Variants in HECA observed in about 807,000 individuals in gnomAD.
The protein encoded by HECA is HECA ribonucleoprotein granule regulator.
In HECA, 13 loss-of-function variants were observed where a neutral mutation model predicts 37.6. The observed-to-expected ratio is 0.35, with a 90% CI of 0.23 to 0.55. The LOEUF is 0.55. Ranked by LOEUF, HECA falls within the 20% of genes least tolerant of loss-of-function variation. The pLI, the probability that HECA is intolerant of heterozygous loss-of-function variation, is 0.90. For synonymous variants in HECA, 307 were observed against 291.5 expected (o/e 1.05, Z -0.54); for missense variants, 527 against 701.9 (o/e 0.75, Z 2.82).
chr6:139,160,240 GTTTATATACTT>G (rs1224846337), intron 1 of HECA, among the ~76,000 whole-genome samples: 4 of 152,150 alleles, frequency 2.6e-5, no homozygotes, highest in African/African-American at 9.7e-5. Flanking sequence ...GCCTTGGAAG[GTTTATATACTT>G]TTTTAAACAA....
chr6:139,172,539 T>G (rs1774988980), intron 2 of HECA, among the ~76,000 whole-genome samples: 1 of 152,250 alleles, frequency 6.6e-6, no homozygotes, highest in African/African-American at 2.4e-5. Context: ...TTATTGGGCT[T>G]CTTTACCACT....
chr6:139,158,049 C>T (rs1043776357), intron 1 of HECA, among the ~76,000 whole-genome samples: 3 of 152,168 alleles, frequency 2.0e-5, no homozygotes, highest in African/African-American at 4.8e-5. Context: ...CATTTGTTAA[C>T]AATTGCTTAT....
In HECA at chr6:139,167,389, A is replaced by G. The variant is rs994543335; in HGVS notation, c.1312+65A>G. 4 of 1,305,890 alleles carry G rather than the reference A, an allele frequency of 3.1e-6. 1 individual carries two copies. The highest frequency in any genetic ancestry group is 4.3e-6 in the Non-Finnish European group (4 of 940,084). The allele number at this position is 1,305,890 out of a possible 1,614,324, so 80.9% of individuals were successfully genotyped here. ...AAAAACCAAACAACAAACAAGACAGATTGCTCTATTTTGGTGTAGTTTTCA... is the reference window on the plus strand; with the variant it reads ...AAAAACCAAACAACAAACAAGACAGGTTGCTCTATTTTGGTGTAGTTTTCA... On this transcript the variant is annotated intron_variant, in intron 2 of 3. Transcript: ENST00000367658.
chr6:139,180,161 A>C lies in HECA; in HGVS notation c.*3056A>C, dbSNP rs1775114666. 1 of 152,218 alleles carries C rather than the reference A, an allele frequency of 6.6e-6. No homozygotes were observed. The highest frequency in any genetic ancestry group is 2.1e-4 in the South Asian group (1 of 4,834). 9.4% of individuals were successfully genotyped at this position (152,218 alleles called of 1,614,324 possible). ...GAGGAGCTTTCCTTAAATGCCCTTTAACTTCTAGGTTTTGTTCAAGAAGTT... is the reference window on the plus strand; with the variant it reads ...GAGGAGCTTTCCTTAAATGCCCTTTCACTTCTAGGTTTTGTTCAAGAAGTT... On this transcript the variant is annotated 3_prime_UTR_variant, in exon 4 of 4. Transcript: ENST00000367658.
intron 1 of HECA, among the ~76,000 whole-genome samples, chr6:139,148,165 C>T (rs150665110): frequency 1.2e-3 from 186 of 152,182 alleles, no homozygotes; most frequent in African/African-American, 4.0e-3. Context: ...AAAGTGTTTG[C>T]GTATTCAGGG....
intron 2 of HECA, among the ~76,000 whole-genome samples, chr6:139,171,339 C>T (rs1056759581): frequency 5.3e-5 from 8 of 152,130 alleles, no homozygotes; most frequent in East Asian, 3.9e-4. Flanking sequence ...CTTGTGTGTG[C>T]GTATATATAC....
intron 1 of HECA, among the ~76,000 whole-genome samples, chr6:139,137,192 T>G (rs1402299500): frequency 6.6e-6 from 1 of 152,172 alleles, no homozygotes; most frequent in South Asian, 2.1e-4. Context: ...CATTTTGGTA[T>G]TGATGTGGCA....
intron 1 of HECA, among the ~76,000 whole-genome samples, chr6:139,140,431 A>G (rs943315978): frequency 6.6e-6 from 1 of 152,214 alleles, no homozygotes; most frequent in Non-Finnish European, 1.5e-5. Context: ...TGCCTCATGC[A>G]TCAAAGATTC....
At position 139,172,008 on chromosome 6, in the gene HECA, T is replaced by C. The variant is rs558867676; in HGVS notation, c.1313-2377T>C. Among the ~76,000 whole-genome samples, 4 of 152,216 alleles carry C rather than the reference T, an allele frequency of 2.6e-5. No homozygotes were observed. The South Asian group carries it at 8.3e-4, about 32-fold the overall frequency. On this transcript the variant is annotated intron_variant, in intron 2 of 3. Coordinates refer to ENST00000367658, the MANE Select transcript of HECA (RefSeq NM_016217.3). ...CCACGCCTAGCTAATTTTTTTATAT[T>C]TTAGTAGAGATGGGGTTTCACCATG...
intron 2 of HECA, among the ~76,000 whole-genome samples, chr6:139,167,929 C>G (rs1774915582): frequency 6.6e-6 from 1 of 152,126 alleles, no homozygotes; most frequent in South Asian, 2.1e-4. Context: ...AATTGAATGA[C>G]ACGAGGTTGG....
chr6:139,145,012 C>T (rs896396370), intron 1 of HECA, among the ~76,000 whole-genome samples: 1 of 152,120 alleles, frequency 6.6e-6, no homozygotes, highest in Admixed American at 6.6e-5. Context: ...GGGGCTTGTC[C>T]CTATGGTTTA....
chr6:139,149,526 T>G (rs1774626796), intron 1 of HECA, among the ~76,000 whole-genome samples: 1 of 152,236 alleles, frequency 6.6e-6, no homozygotes, highest in East Asian at 1.9e-4. Context: ...CAGTGATGAA[T>G]GCACACACTG....
At chr6:139,145,454 A>T (rs1774574209) in intron 1 of HECA, among the ~76,000 whole-genome samples, 1 of 152,248 alleles carries the variant, frequency 6.6e-6, no homozygotes, top group Non-Finnish European at 1.5e-5. Context: ...GGAAAAAGGA[A>T]GATGAAGTGT....
At chr6:139,145,521 T>G (rs1774575212) in intron 1 of HECA, among the ~76,000 whole-genome samples, 1 of 152,232 alleles carries the variant, frequency 6.6e-6, no homozygotes, top group Admixed American at 6.5e-5. Flanking sequence ...AGCATTGTTC[T>G]CATATATACA....
chr6:139,152,905 C>G (rs1330571401), intron 1 of HECA: 1 of 151,962 alleles, frequency 6.6e-6, no homozygotes, highest in African/African-American at 2.4e-5. Context: ...GGAAATGATT[C>G]CTAAACACCC....
chr6:139,167,009 A>G lies in HECA; in HGVS notation c.997A>G (p.Arg333Gly). Residue 333 changes from arginine (R) to glycine (G), a missense_variant, in exon 2 of 4, where the codon AGG becomes GGG. Arg to Gly is a moderately radical substitution (Grantham distance 125, BLOSUM62 -2). This residue lies in a region of HECA where 228 missense variants were observed against 259.8 expected (regional missense o/e 0.88). Coordinates refer to ENST00000367658, the MANE Select transcript of HECA (RefSeq NM_016217.3). ...DYSPAGLAVH[R>G]GGHFDTPVQF... The stretch of plus-strand genomic sequence containing the variant: ...CAGCCCTGCGGGGTTGGCAGTTCAC[A>G]GGGGGGGACACTTCGACACCCCCGT... 4 of 1,614,116 alleles carry G rather than the reference A, an allele frequency of 2.5e-6. No homozygotes were observed. The highest frequency in any genetic ancestry group is 3.4e-6 in the Non-Finnish European group (4 of 1,180,008).
intron 1 of HECA, among the ~76,000 whole-genome samples, chr6:139,158,238 C>T (rs1326689039): frequency 6.6e-6 from 1 of 151,950 alleles, no homozygotes; most frequent in Non-Finnish European, 1.5e-5. Flanking sequence ...CTCGGTGGCT[C>T]ATGCCTGTAA....
intron 1 of HECA, 82 bp downstream of exon 1, chr6:139,135,749 G>T: frequency 1.7e-6 from 1 of 576,302 alleles, no homozygotes; most frequent in Non-Finnish European, 2.2e-6. Context: ...TGGCGCGGGC[G>T]GTGCGTGGAC....
intron 1 of HECA, among the ~76,000 whole-genome samples, chr6:139,145,591 CTT>C (rs1179782120): frequency 6.6e-6 from 1 of 152,152 alleles, no homozygotes; most frequent in East Asian, 1.9e-4. Flanking sequence ...TCTCTACTCT[CTT>C]AGGCTTAGTG....
Sources: allele counts gnomAD v4.1 joint callset (sites outside exome capture counted in the v4.1 genomes callset), GRCh38; gene constraint gnomAD v4.1.1; regional missense constraint gnomAD v4.1.1; transcripts MANE v1.5; gene names NCBI Gene and HGNC (gene_info 2026-07-23, HGNC 2026-07-21).